Variants in PCDH15 observed in about 807,000 individuals in gnomAD.
PCDH15 encodes protocadherin related 15, also known as protocadherin-15.
PCDH15 carries 129 observed loss-of-function variants against 178.5 expected under a neutral mutation model. That is an observed-to-expected ratio of 0.72 (90% CI 0.63 to 0.84). PCDH15 has a LOEUF of 0.84. Ranked by LOEUF, PCDH15 falls within the 40% of genes least tolerant of loss-of-function variation. The pLI is 0.00. For missense variants in PCDH15, 2,230 were observed against 2,099.9 expected (o/e 1.06, Z -1.21); for synonymous variants, 800 against 732.0 (o/e 1.09, Z -1.50).
At chr10:55,274,636 T>A (rs1842537807) in intron 1 of PCDH15, among the ~76,000 whole-genome samples, 1 of 152,090 alleles carries the variant, frequency 6.6e-6, no homozygotes, top group South Asian at 2.1e-4. Flanking sequence ...CCAAACCTGC[T>A]TTTCTTATAC....
intron 14 of PCDH15, among the ~76,000 whole-genome samples, chr10:54,142,684 TTAGA>T (rs1182528172): frequency 2.6e-5 from 4 of 152,138 alleles, no homozygotes; most frequent in Admixed American, 2.0e-4. Context: ...CTGATTAAAA[TTAGA>T]TAGATTTGTT....
intron 2 of PCDH15, among the ~76,000 whole-genome samples, chr10:55,069,163 C>A (rs1841650202): frequency 6.6e-6 from 1 of 151,020 alleles, no homozygotes; most frequent in South Asian, 2.1e-4. Flanking sequence ...ACCTTGGCCT[C>A]TCAAAGTGAT....
chr10:54,544,484 G>C lies in PCDH15; in HGVS notation c.92-16607C>G, dbSNP rs972823476. On this transcript the variant is annotated intron_variant, in intron 2 of 37. Coordinates refer to ENST00000644397, the MANE Select transcript of PCDH15 (RefSeq NM_001384140.1). ...GTCCTGCTGAGCTTAGTTCTCATAG[G>C]CTCAATTTTAGACAATTTCTATACA... Among the ~76,000 whole-genome samples, 62 of 152,068 alleles carry C rather than the reference G, an allele frequency of 4.1e-4. 1 individual carries two copies. The highest frequency in any genetic ancestry group is 1.2e-4 in the Non-Finnish European group (8 of 68,012).
chr10:54,379,648 C>T (rs1948934009), intron 3 of PCDH15, among the ~76,000 whole-genome samples: 2 of 151,988 alleles, frequency 1.3e-5, no homozygotes, highest in Admixed American at 6.6e-5. Flanking sequence ...TGTCTCTAAC[C>T]CTTTCTACTG....
At chr10:55,241,387 G>A (rs762602732) in intron 1 of PCDH15, among the ~76,000 whole-genome samples, 6 of 152,012 alleles carry the variant, frequency 3.9e-5, no homozygotes, top group Non-Finnish European at 8.8e-5. Context: ...TGAACCACAT[G>A]GTAGATTTCC....
intron 29 of PCDH15, among the ~76,000 whole-genome samples, chr10:53,837,750 AAC>A (rs146785616): frequency 2.1e-4 from 32 of 149,532 alleles, no homozygotes; most frequent in Non-Finnish European, 2.4e-4. Flanking sequence ...AGCCTTGGAA[AAC>A]ACACACACAC....
chr10:54,030,175 G>A (rs1039749047), intron 18 of PCDH15, among the ~76,000 whole-genome samples: 2 of 152,044 alleles, frequency 1.3e-5, no homozygotes, highest in African/African-American at 4.8e-5. Context: ...GTGAAGCTGA[G>A]AGAGTGCTTT....
chr10:54,180,096 C>T (rs537508799), intron 13 of PCDH15, among the ~76,000 whole-genome samples: 105 of 152,242 alleles, frequency 6.9e-4, no homozygotes, highest in African/African-American at 2.5e-3. Flanking sequence ...GTAATTTTCC[C>T]TTAAACAAAA....
rs112817744 is a variant in PCDH15, at chr10:54,647,557, G to A, written c.91+16615C>T. Among the ~76,000 whole-genome samples the A allele has an allele frequency of 8.2e-3, 1,254 of 152,188 alleles. 20 individuals carry two copies. Among genetic ancestry groups the A allele is most frequent in the African/African-American group, 0.028 (1,162 of 41,544 alleles). ...GCAAAAATAAAAAAAGGATTTGGCA[G>A]CATGAGCCAGGTGCCTGAGCCATCT... is the stretch of plus-strand genomic sequence containing the variant. On this transcript the variant is annotated intron_variant, in intron 2 of 37. Coordinates refer to ENST00000644397, the MANE Select transcript of PCDH15 (RefSeq NM_001384140.1).
At chr10:55,329,484 C>T (rs935464511) in intron 2 of PCDH15, among the ~76,000 whole-genome samples, 20 of 151,682 alleles carry the variant, frequency 1.3e-4, no homozygotes, top group East Asian at 1.2e-3. Flanking sequence ...AAATTCAGAA[C>T]CACTTTTTAG....
At chr10:54,729,120 T>C (rs1942987111) in intron 1 of PCDH15, among the ~76,000 whole-genome samples, 1 of 151,594 alleles carries the variant, frequency 6.6e-6, no homozygotes, top group Non-Finnish European at 1.5e-5. Context: ...AAAGCAATCC[T>C]AAACAAAAAC....
intron 1 of PCDH15, among the ~76,000 whole-genome samples, chr10:54,740,163 A>G (rs1024362644): frequency 6.6e-6 from 1 of 152,146 alleles, no homozygotes; most frequent in East Asian, 1.9e-4. Flanking sequence ...ATCAGAATAC[A>G]TAAGGAACTC....
rs190133133 is a variant in PCDH15, at chr10:55,446,313, A to G, written c.-156+181312T>C. On this transcript the variant is annotated intron_variant, in intron 2 of 5. Transcript: ENST00000613346. ...AATATATAGAGAGATAGATATGTGT[A>G]TATATATATATATAAAACATTCTCA... 4.8e-3 allele frequency among the ~76,000 whole-genome samples: 717 copies of G among 150,322 alleles called. 7 individuals are homozygous for G. Among genetic ancestry groups the G allele is most frequent in the African/African-American group, 0.017 (678 of 40,836 alleles).
chr10:55,365,787 A>C (rs371468759), intron 2 of PCDH15, among the ~76,000 whole-genome samples: 3 of 152,074 alleles, frequency 2.0e-5, no homozygotes, highest in East Asian at 1.9e-4. Flanking sequence ...TAAGCCCAAC[A>C]AACTCTTTCT....
intron 2 of PCDH15, among the ~76,000 whole-genome samples, chr10:55,396,758 G>A: frequency 6.6e-6 from 1 of 152,136 alleles, no homozygotes; most frequent in Admixed American, 6.6e-5. Context: ...TTACCCAAAG[G>A]TGGTAAGTCA....
intron 3 of PCDH15, among the ~76,000 whole-genome samples, chr10:54,893,186 G>C (rs1212387810): frequency 6.6e-6 from 1 of 151,120 alleles, no homozygotes; most frequent in East Asian, 1.9e-4. Context: ...TAGTAAATAG[G>C]AATTTTGAAA....
chr10:53,959,893 G>GTT (rs1564864161), intron 22 of PCDH15, 49 bp from the exon 23 acceptor site: 1 of 1,330,968 alleles, frequency 7.5e-7, no homozygotes, highest in Non-Finnish European at 1.1e-6. Flanking sequence ...TAAGAACAGC[G>GTT]TAACAGCACA....
intron 2 of PCDH15, among the ~76,000 whole-genome samples, chr10:54,939,311 G>A (rs1314780052): frequency 1.3e-5 from 2 of 151,086 alleles, no homozygotes; most frequent in East Asian, 2.0e-4. Flanking sequence ...TGGCTACCAC[G>A]GTGAAACCTC....
intron 1 of PCDH15, among the ~76,000 whole-genome samples, chr10:55,258,998 T>C (rs1305432807): frequency 3.3e-5 from 5 of 152,254 alleles, no homozygotes; most frequent in Non-Finnish European, 1.5e-5. Context: ...TTTCATTTCT[T>C]CCCTGCTATA....
Sources: allele counts gnomAD v4.1 joint callset (sites outside exome capture counted in the v4.1 genomes callset), GRCh38; gene constraint gnomAD v4.1.1; transcripts MANE v1.5; gene names NCBI Gene and HGNC (gene_info 2026-07-23, HGNC 2026-07-21).